Variants in TEX51 observed in about 807,000 individuals in gnomAD.
TEX51 encodes testis expressed 51, also known as testis-expressed protein 51.
In TEX51, 14 loss-of-function variants were observed where a neutral mutation model predicts 8.0. That is an observed-to-expected ratio of 1.76 (90% CI 1.16 to 2.75). TEX51 has a LOEUF of 2.75. Ranked by LOEUF, TEX51 falls within the 30% of genes most tolerant of loss-of-function variation. The probability of loss-of-function intolerance (pLI) is 0.00; values close to 1 mark genes in which losing one functional copy is unlikely to be tolerated. For synonymous variants in TEX51, 58 were observed against 28.6 expected (o/e 2.03, Z -3.29); for missense variants, 142 against 77.4 (o/e 1.83, Z -3.13).
chr2:126,900,848 C>A (rs891923470), intron 4 of TEX51, among the ~76,000 whole-genome samples: 1 of 152,224 alleles, frequency 6.6e-6, no homozygotes, highest in Non-Finnish European at 1.5e-5. Context: ...TACCTCTATC[C>A]TTGAGCGTGT....
intron 3 of TEX51, 56 bp downstream of exon 3, chr2:126,899,668 C>A: frequency 1.4e-6 from 1 of 694,038 alleles, no homozygotes; most frequent in South Asian, 1.5e-5. Context: ...CTGCCAAGAC[C>A]CAAGGCATGC....
In TEX51 at chr2:126,901,852, A is replaced by C; in HGVS notation, c.*3-20A>C. ...GTGGGAGGTCAGGGTAGAAATGCCC[A>C]GCTTCTTCTCCCTCAGCAGGAACAG... On this transcript the variant is annotated intron_variant, in intron 6 of 6. Coordinates refer to ENST00000568484, the MANE Select transcript of TEX51 (RefSeq NM_001322244.2). The C allele has an allele frequency of 3.4e-6, 2 of 593,872 alleles. No homozygotes were observed. The highest frequency in any genetic ancestry group is 6.0e-6 in the Non-Finnish European group (2 of 332,718). The allele number at this position is 593,872 out of a possible 1,614,324, so 36.8% of individuals were successfully genotyped here. A position where few individuals can be genotyped will look rare whatever the true frequency, so the allele number is the denominator to read the frequency against.
chr2:126,900,362 C>T (rs1229240648), intron 4 of TEX51, among the ~76,000 whole-genome samples: 1 of 150,774 alleles, frequency 6.6e-6, no homozygotes, highest in Non-Finnish European at 1.5e-5. Context: ...CCACTGCACT[C>T]CAGGCTGGGC....
intron 4 of TEX51, among the ~76,000 whole-genome samples, chr2:126,900,230 T>C (rs905904661): frequency 3.3e-5 from 5 of 152,026 alleles, no homozygotes; most frequent in Non-Finnish European, 4.4e-5. Flanking sequence ...ACATCACTCA[T>C]GGAGGCCTCT....
Position 126,901,289 on chromosome 2 carries a change from G to A in TEX51, c.463+11G>A. 1 of 700,054 alleles carries A rather than the reference G, an allele frequency of 1.4e-6. No homozygotes were observed. Among genetic ancestry groups the A allele is most frequent in the Non-Finnish European group, 2.6e-6 (1 of 383,518 alleles). The allele number at this position is 700,054 out of a possible 1,614,324, so 43.4% of individuals were successfully genotyped here. On this transcript the variant is annotated intron_variant, in intron 5 of 6. Coordinates refer to ENST00000568484, the MANE Select transcript of TEX51 (RefSeq NM_001322244.2). The stretch of plus-strand genomic sequence containing the variant: ...TGGCCATAGCTGGAGGTGGGTGAGT[G>A]ACCTCTCCAAGCCCCAGCATCCCCA...
chr2:126,901,169 G>T lies in TEX51; in HGVS notation c.395-41G>T, dbSNP rs942752614. On this transcript the variant is annotated intron_variant, in intron 4 of 6. Transcript: ENST00000568484. ...CTTCTCTCTGAGTTGAGGTAGCCCT[G>T]CCTGGCCTCCAAACACCTGGCTTCC... 9.8e-6 allele frequency: 6 copies of T among 612,062 alleles called. No homozygotes were observed. The Admixed American group carries it at 1.4e-4, about 14-fold the overall frequency. 37.9% of individuals were successfully genotyped at this position (612,062 alleles called of 1,614,324 possible).
chr2:126,901,172 T>C (rs1047242699), intron 4 of TEX51, 38 bp from the exon 5 acceptor site: 2 of 612,428 alleles, frequency 3.3e-6, no homozygotes, highest in Non-Finnish European at 2.9e-6. Flanking sequence ...TAGCCCTGCC[T>C]GGCCTCCAAA....
intron 4 of TEX51, among the ~76,000 whole-genome samples, chr2:126,900,712 A>T (rs2104722476): frequency 6.6e-6 from 1 of 152,222 alleles, no homozygotes; most frequent in South Asian, 2.1e-4. Flanking sequence ...CTTCTCAACG[A>T]GCAAGTCTAC....
chr2:126,900,519 T>C (rs1175414204), intron 4 of TEX51, among the ~76,000 whole-genome samples: 1 of 152,102 alleles, frequency 6.6e-6, no homozygotes, highest in Non-Finnish European at 1.5e-5. Flanking sequence ...CTCAGTCTCC[T>C]AAACCAGGAA....
At chr2:126,901,067 C>T in intron 4 of TEX51, 143 bp from the exon 5 acceptor site, 1 of 551,862 alleles carries the variant, frequency 1.8e-6, no homozygotes. Context: ...TAGATATGTG[C>T]TGGGCGCACA....
chr2:126,898,982 T>C lies in TEX51; in HGVS notation c.64T>C (p.Trp22Arg), dbSNP rs1418559552. ...AIEGKNCLRC[W>R]PELSALIDYD... ...TGAAGGGAAGAACTGCCTCCGCTGC[T>C]GGCCAGAACTGTCTGCCTTGATAGA... The change falls in exon 1 of 7, where the codon TGG (tryptophan) becomes CGG (arginine). Residue 22 changes from tryptophan to arginine, a missense_variant. Coordinates refer to ENST00000568484, the MANE Select transcript of TEX51 (RefSeq NM_001322244.2). 7.1e-6 allele frequency: 5 copies of C among 701,900 alleles called. No homozygotes were observed. The highest frequency in any genetic ancestry group is 7.0e-5 in the African/African-American group (4 of 57,248). 43.5% of individuals were successfully genotyped at this position (701,900 alleles called of 1,614,324 possible). A position where few individuals can be genotyped will look rare whatever the true frequency, so the allele number is the denominator to read the frequency against.
chr2:126,899,245 CA>C lies in TEX51; in HGVS notation c.177del (p.Lys59AsnfsTer35), dbSNP rs1558745061. The C allele has an allele frequency of 1.4e-6, 1 of 702,154 alleles. No individual in the cohort carries two copies. Among genetic ancestry groups the C allele is most frequent in the Non-Finnish European group, 2.6e-6 (1 of 384,802 alleles). 43.5% of individuals were successfully genotyped at this position (702,154 alleles called of 1,614,324 possible). On this transcript the variant is annotated frameshift_variant, in exon 2 of 7. Transcript: ENST00000568484. LOFTEE classifies it high-confidence loss of function. ...GTGACCATTTGGAAGAAGAAACAGC[CA>C]AATTCTTCACTCAAGTACACCAAGC... The part of the protein sequence containing the change: ...NRDHLEEETA[K>X]FFTQVHQAIK...
At chr2:126,900,536 T>A (rs903209663) in intron 4 of TEX51, among the ~76,000 whole-genome samples, 3 of 152,020 alleles carry the variant, frequency 2.0e-5, no homozygotes, top group Non-Finnish European at 4.4e-5. Context: ...GGAATCTCCC[T>A]CCACTTAGCA....
chr2:126,899,381 G>A, intron 2 of TEX51, 90 bp downstream of exon 2: 1 of 693,690 alleles, frequency 1.4e-6, no homozygotes, highest in Non-Finnish European at 2.6e-6. Flanking sequence ...GTGGCCATGG[G>A]TGGGAGGTCT....
At chr2:126,900,179 A>G in intron 4 of TEX51, 160 bp downstream of exon 4, 1 of 636,090 alleles carries the variant, frequency 1.6e-6, no homozygotes, top group Admixed American at 2.2e-5. Flanking sequence ...TGATGTCCTC[A>G]TGTCAAGCTC....
intron 4 of TEX51, among the ~76,000 whole-genome samples, chr2:126,900,829 G>A (rs939195582): frequency 6.6e-6 from 1 of 152,168 alleles, no homozygotes; most frequent in Admixed American, 6.5e-5. Context: ...GTGCATACAG[G>A]CAGCTCCATA....
intron 6 of TEX51, 112 bp downstream of exon 6, chr2:126,901,516 C>A (rs904798389): frequency 2.1e-5 from 14 of 665,862 alleles, no homozygotes; most frequent in Non-Finnish European, 3.5e-5. Context: ...TGGGGTCTGG[C>A]GTGCAGAACA....
At position 126,898,906 on chromosome 2, in the gene TEX51, A is replaced by G. The variant is rs116808268; in HGVS notation, c.-13A>G. The G allele has an allele frequency of 5.6e-3, 3,883 of 696,714 alleles. 98 individuals carry two copies. In the African/African-American group the frequency reaches 0.06, roughly 11 times the overall value. The allele number at this position is 696,714 out of a possible 1,614,324, so 43.2% of individuals were successfully genotyped here. On this transcript the variant is annotated 5_prime_UTR_variant, in exon 1 of 7. Transcript: ENST00000568484. ...AGGCAGGGCACTGGGGCACAGTAGG[A>G]GGAACCCAGAAGATGCTGCCTCTCC...
chr2:126,901,751 C>A (rs1680344105), intron 6 of TEX51, 121 bp from the exon 7 acceptor site: 1 of 572,752 alleles, frequency 1.7e-6, no homozygotes, highest in Non-Finnish European at 3.1e-6. Flanking sequence ...GGCTGCCTTG[C>A]CCTCTGCTCT....
Sources: allele counts gnomAD v4.1 joint callset (sites outside exome capture counted in the v4.1 genomes callset), GRCh38; gene constraint gnomAD v4.1.1; transcripts MANE v1.5; gene names NCBI Gene and HGNC (gene_info 2026-07-23, HGNC 2026-07-21).